The following GAS7 variants were observed in gnomAD, a reference collection of about 807,000 sequenced individuals.
GAS7 encodes the protein growth arrest specific 7.
Under a neutral mutation model 71.1 loss-of-function variants are expected in GAS7, and 28 were observed. The observed-to-expected ratio is 0.39, with a 90% confidence interval of 0.29 to 0.54. The LOEUF (loss-of-function observed/expected upper bound fraction) is 0.54, where lower values mean the gene tolerates loss of function less well. Among genes scored for constraint, GAS7 ranks in the 20% least tolerant of loss-of-function variants. GAS7 has a pLI of 0.62. For missense variants in GAS7, 436 were observed against 627.8 expected (o/e 0.69, Z 3.27); for synonymous variants, 258 against 245.8 (o/e 1.05, Z -0.46).
chr17:9,978,674 T>G (rs1375960100), intron 3 of GAS7, among the ~76,000 whole-genome samples: 1 of 152,004 alleles, frequency 6.6e-6, no homozygotes, highest in Non-Finnish European at 1.5e-5. Flanking sequence ...CAAGACCATG[T>G]CTCTAATAAA....
chr17:10,087,399 C>T (rs1211500831), intron 1 of GAS7, among the ~76,000 whole-genome samples: 1 of 152,212 alleles, frequency 6.6e-6, no homozygotes, highest in African/African-American at 2.4e-5. Flanking sequence ...GCATGTGTGT[C>T]CCAGGTGGAC....
intron 1 of GAS7, among the ~76,000 whole-genome samples, chr17:10,195,893 T>C (rs546841588): frequency 6.6e-6 from 1 of 152,272 alleles, no homozygotes; most frequent in South Asian, 2.1e-4. Flanking sequence ...TGCCCCCCTG[T>C]TGAAACTGCA....
intron 2 of GAS7, among the ~76,000 whole-genome samples, chr17:10,002,245 C>T (rs2071296553): frequency 6.6e-6 from 1 of 152,194 alleles, no homozygotes; most frequent in South Asian, 2.1e-4. Context: ...TCTCTCCTAG[C>T]TTGTGGTGGC....
At chr17:10,035,179 C>A (rs1442180203) in intron 1 of GAS7, among the ~76,000 whole-genome samples, 2 of 151,392 alleles carry the variant, frequency 1.3e-5, no homozygotes, top group Non-Finnish European at 2.9e-5. Context: ...CCATGAAGCA[C>A]CCAACCACGA....
intron 1 of GAS7, among the ~76,000 whole-genome samples, chr17:10,067,473 G>A (rs1158497135): frequency 6.6e-6 from 1 of 151,762 alleles, no homozygotes; most frequent in Non-Finnish European, 1.5e-5. Flanking sequence ...TCGAACTGCT[G>A]ACCTTGTGAT....
chr17:9,937,572 C>G (rs986853327), intron 8 of GAS7, among the ~76,000 whole-genome samples: 3 of 152,224 alleles, frequency 2.0e-5, no homozygotes, highest in Non-Finnish European at 2.9e-5. Flanking sequence ...GCTGGGCCGC[C>G]CTGCGGTCTG....
chr17:10,108,351 T>C (rs1011841636), intron 1 of GAS7, among the ~76,000 whole-genome samples: 2 of 152,170 alleles, frequency 1.3e-5, no homozygotes, highest in African/African-American at 2.4e-5. Context: ...AATCTCTGAG[T>C]TGGCCACTGC....
At chr17:10,037,110 C>G (rs902398490) in intron 1 of GAS7, among the ~76,000 whole-genome samples, 1 of 152,212 alleles carries the variant, frequency 6.6e-6, no homozygotes, top group Non-Finnish European at 1.5e-5. Flanking sequence ...TCCAGAGGGG[C>G]GAGATGAAGG....
intron 2 of GAS7, among the ~76,000 whole-genome samples, chr17:10,005,233 A>G (rs549600726): frequency 1.6e-4 from 17 of 108,010 alleles, no homozygotes; most frequent in Non-Finnish European, 2.5e-4. Context: ...ATGTATGTGT[A>G]TGTGCGCGCA....
chr17:10,002,081 G>T (rs1248562405), intron 2 of GAS7, among the ~76,000 whole-genome samples: 3 of 151,516 alleles, frequency 2.0e-5, no homozygotes, highest in Non-Finnish European at 4.4e-5. Flanking sequence ...GTGGGGCGGG[G>T]GAAGTGTGTC....
intron 2 of GAS7, among the ~76,000 whole-genome samples, chr17:9,989,192 C>T (rs2152140236): frequency 6.6e-6 from 1 of 152,190 alleles, no homozygotes; most frequent in Non-Finnish European, 1.5e-5. Context: ...ATCTCTGGAA[C>T]TCAGTCTGAC....
intron 1 of GAS7, among the ~76,000 whole-genome samples, chr17:10,124,249 A>T (rs2157697): frequency 2.3e-4 from 35 of 152,108 alleles, no homozygotes; most frequent in African/African-American, 7.7e-4. Flanking sequence ...TGGAAATGAC[A>T]GTCCAGAGCC....
intron 2 of GAS7, among the ~76,000 whole-genome samples, chr17:10,005,122 C>T (rs1404510709): frequency 6.6e-6 from 1 of 151,400 alleles, no homozygotes; most frequent in Non-Finnish European, 1.5e-5. Flanking sequence ...CGTGTGCACG[C>T]ATACCAGCAT....
intron 1 of GAS7, among the ~76,000 whole-genome samples, chr17:10,151,341 T>G (rs550416509): frequency 7.7e-4 from 117 of 152,226 alleles, no homozygotes; most frequent in Admixed American, 1.2e-3. Context: ...TTTTGTTTTT[T>G]TTTTAAATAC....
At chr17:10,127,792 A>C (rs139831267) in intron 1 of GAS7, among the ~76,000 whole-genome samples, 10 of 152,274 alleles carry the variant, frequency 6.6e-5, no homozygotes, top group African/African-American at 9.6e-5. Context: ...CTAGGAGAGG[A>C]ATCTCTGAGT....
Position 10,110,660 on chromosome 17 carries a change from C to T in GAS7, c.183+87548G>A, listed in dbSNP as rs146767338. ...CTGATTTTTGTATTTTTAGTAGAGA[C>T]GGTGTTTCACCATATTGGTCAGGCT... is the stretch of plus-strand genomic sequence containing the variant. On this transcript the variant is annotated intron_variant, in intron 1 of 13. Coordinates refer to ENST00000432992, the MANE Select transcript of GAS7 (RefSeq NM_201433.2). Among the ~76,000 whole-genome samples the T allele has an allele frequency of 6.3e-3, 957 of 152,122 alleles. 7 individuals carry two copies. The highest frequency in any genetic ancestry group is 0.022 in the African/African-American group (919 of 41,514).
In GAS7 at chr17:10,020,840, G is replaced by A. The variant is rs182320036; in HGVS notation, c.184-943C>T. ...AGGCAAGAGAATTGCTTGAACCTAG[G>A]AGGCGGAGGTTGCAGTGAGCAGAGA... On this transcript the variant is annotated intron_variant, in intron 1 of 13. Coordinates refer to ENST00000432992, the MANE Select transcript of GAS7 (RefSeq NM_201433.2). Among the ~76,000 whole-genome samples, 202 of 152,290 alleles carry A rather than the reference G, an allele frequency of 1.3e-3. 1 individual carries two copies. The highest frequency in any genetic ancestry group is 4.8e-3 in the African/African-American group (198 of 41,556).
At chr17:10,081,081 A>T (rs1218487349) in intron 1 of GAS7, among the ~76,000 whole-genome samples, 2 of 152,278 alleles carry the variant, frequency 1.3e-5, no homozygotes, top group Non-Finnish European at 2.9e-5. Flanking sequence ...TTACAAATGG[A>T]TCAAAGATCT....
chr17:9,934,067 G>T, intron 9 of GAS7, 99 bp downstream of exon 9: 1 of 827,324 alleles, frequency 1.2e-6, no homozygotes, highest in Non-Finnish European at 2.1e-6. Flanking sequence ...GTTTACACCA[G>T]GGAAAATGGC....
Sources: gnomAD v4.1 joint callset for allele counts (sites outside exome capture counted in the v4.1 genomes callset) on GRCh38, gnomAD v4.1.1 for gene constraint, MANE v1.5 for transcripts, NCBI Gene and HGNC (gene_info 2026-07-23, HGNC 2026-07-21) for gene names.